TMEM184C: variants seen among roughly 807,000 people sequenced by gnomAD.
TMEM184C encodes the protein transmembrane protein 34.
TMEM184C carries 25 observed loss-of-function variants against 54.5 expected under a neutral mutation model. The observed-to-expected ratio is 0.46, with a 90% CI of 0.33 to 0.64. The LOEUF (loss-of-function observed/expected upper bound fraction) is 0.64. TMEM184C is among the 30% of genes least tolerant of loss of function. The pLI is 0.02. For synonymous variants in TMEM184C, 148 were observed against 181.5 expected (o/e 0.82, Z 1.49); for missense variants, 335 against 520.3 (o/e 0.64, Z 3.46).
chr4:147,634,486 A>G lies in TMEM184C; in HGVS notation c.*52A>G. 1 of 1,570,910 alleles carries G rather than the reference A, an allele frequency of 6.4e-7. No individual in the cohort carries two copies. Among genetic ancestry groups the G allele is most frequent in the Non-Finnish European group, 8.6e-7 (1 of 1,157,446 alleles). On this transcript the variant is annotated 3_prime_UTR_variant, in exon 10 of 10. Transcript: ENST00000296582. ...CTACTACATTATATCATTACCTGGT[A>G]TCCCATGGATTTTGTGCTTGGGACA...
chr4:147,629,784 G>A (rs1034960045), intron 6 of TMEM184C, 92 bp downstream of exon 6: 5 of 780,450 alleles, frequency 6.4e-6, no homozygotes, highest in Admixed American at 7.2e-5. Flanking sequence ...GATAAGGCTT[G>A]CTTCTTTTTA....
intron 1 of TMEM184C, among the ~76,000 whole-genome samples, chr4:147,619,851 A>G (rs543183216): frequency 4.6e-5 from 7 of 152,312 alleles, no homozygotes; most frequent in African/African-American, 1.7e-4. Flanking sequence ...CAGCCAGAGT[A>G]ACCAGTTAAA....
intron 6 of TMEM184C, 106 bp from the exon 7 acceptor site, chr4:147,631,287 A>C: frequency 1.3e-6 from 1 of 743,544 alleles, no homozygotes; most frequent in Non-Finnish European, 2.1e-6. Flanking sequence ...AGCCTAGAAA[A>C]GTTTGCCTGA....
rs1249128363 is a variant in TMEM184C at position 147,636,198 on chromosome 4, CAT to C, written c.*1765_*1766del. The C allele has an allele frequency of 6.6e-6, 1 of 152,054 alleles. No homozygotes were observed. The highest frequency in any genetic ancestry group is 1.5e-5 in the Non-Finnish European group (1 of 67,998). 9.4% of individuals were successfully genotyped at this position (152,054 alleles called of 1,614,324 possible). A position where few individuals can be genotyped will look rare whatever the true frequency, so the allele number is the denominator to read the frequency against. ...AATACTGAGGAAAAAATGTTGGAGACATCACATTTCCTAATTATAAATTATAC... is the reference window on the plus strand; with the variant it reads ...AATACTGAGGAAAAAATGTTGGAGACCACATTTCCTAATTATAAATTATAC... On this transcript the variant is annotated 3_prime_UTR_variant, in exon 10 of 10. Coordinates refer to ENST00000296582, the MANE Select transcript of TMEM184C (RefSeq NM_018241.3).
chr4:147,621,882 C>G (rs1732715873), intron 1 of TMEM184C, among the ~76,000 whole-genome samples: 1 of 152,132 alleles, frequency 6.6e-6, no homozygotes. Context: ...TCATTAGTCA[C>G]AAGCACATCA....
chr4:147,628,030 G>A (rs1444925466), intron 4 of TMEM184C, among the ~76,000 whole-genome samples: 2 of 152,112 alleles, frequency 1.3e-5, no homozygotes, highest in African/African-American at 4.8e-5. Flanking sequence ...GTGGTGGTAT[G>A]CAGATATAGT....
At position 147,633,880 on chromosome 4, in the gene TMEM184C, C is replaced by T; in HGVS notation, c.995C>T (p.Ala332Val). 6.2e-7 allele frequency: 1 copy of T among 1,613,852 alleles called. No homozygotes were observed. Among genetic ancestry groups the T allele is most frequent in the Non-Finnish European group, 8.5e-7 (1 of 1,179,982 alleles). The stretch of plus-strand genomic sequence containing the variant: ...GGCTCATGCTTTGATTCCTTTCTTG[C>T]CATGTGGGATGTCTCAGATATTAGA... ...EEGSCFDSFLAMWDVSDIRDD... is the reference protein window; with the variant it reads ...EEGSCFDSFLVMWDVSDIRDD... The change falls in exon 9 of 10, where the codon GCC (alanine) becomes GTC (valine). Residue 332 changes from alanine (A) to valine (V), a missense_variant. Transcript: ENST00000296582.
chr4:147,627,217 G>A (rs1197998540), intron 4 of TMEM184C, among the ~76,000 whole-genome samples: 1 of 152,194 alleles, frequency 6.6e-6, no homozygotes, highest in Non-Finnish European at 1.5e-5. Context: ...TTGTCTAAAT[G>A]AGAGTCTTTG....
In TMEM184C at chr4:147,634,909, TAG is replaced by T. The variant is rs1022628003; in HGVS notation, c.*479_*480del. 2 of 155,030 alleles carry T rather than the reference TAG, an allele frequency of 1.3e-5. No individual in the cohort carries two copies. The highest frequency in any genetic ancestry group is 4.8e-5 in the African/African-American group (2 of 41,350). 9.6% of individuals were successfully genotyped at this position (155,030 alleles called of 1,614,324 possible). Reference sequence around the variant, plus strand: ...GCCCAGCTAATTTTTTTTTTTTCAGTAGAGACAGGGTCTCACCATGTTAGCCA... The same window carrying T: ...GCCCAGCTAATTTTTTTTTTTTCAGTAGACAGGGTCTCACCATGTTAGCCA... On this transcript the variant is annotated 3_prime_UTR_variant, in exon 10 of 10. Transcript: ENST00000296582.
chr4:147,618,706 G>A (rs947509279), intron 1 of TMEM184C, among the ~76,000 whole-genome samples: 5 of 152,126 alleles, frequency 3.3e-5, no homozygotes, highest in African/African-American at 1.2e-4. Flanking sequence ...TTTTACAGAG[G>A]AACACCTATT....
Position 147,623,876 on chromosome 4 carries a change from T to A in TMEM184C, c.166T>A (p.Leu56Met), listed in dbSNP as rs748129740. ...GGCTTGGTTTATTGCTGGAATCTTT[T>A]TGCTGTTGACTATTCCTATATCACT... ...TKAWFIAGIF[L>M]LLTIPISLWV... Residue 56 changes from leucine (L) to methionine (M), a missense_variant, in exon 2 of 10, where the codon TTG becomes ATG. By Grantham distance (15) the Leu-to-Met change is conservative. Transcript: ENST00000296582. 6.2e-7 allele frequency: 1 copy of A among 1,614,062 alleles called. No homozygotes were observed. Among genetic ancestry groups the A allele is most frequent in the Non-Finnish European group, 8.5e-7 (1 of 1,179,970 alleles).
intron 5 of TMEM184C, 50 bp from the exon 6 acceptor site, chr4:147,629,548 TG>T (rs1384597634): frequency 7.2e-7 from 1 of 1,386,570 alleles, no homozygotes; most frequent in African/African-American, 1.5e-5. Flanking sequence ...TGCTGTATTT[TG>T]AAGTACGATT....
chr4:147,629,528 G>A, intron 5 of TMEM184C, 71 bp from the exon 6 acceptor site: 1 of 1,091,074 alleles, frequency 9.2e-7, no homozygotes, highest in Non-Finnish European at 1.3e-6. Context: ...CTAAATTTAA[G>A]TATTGCTATT....
chr4:147,624,965 A>G lies in TMEM184C; in HGVS notation c.453A>G (p.Lys151=). ...TCCTTGAAGCCAAAGATCAACAGAAACATTTCCCTCCTTTATGTTGCTGTC... is the reference window on the plus strand; with the variant it reads ...TCCTTGAAGCCAAAGATCAACAGAAGCATTTCCCTCCTTTATGTTGCTGTC... The part of the protein sequence containing the change: ...VLILEAKDQQ[K]HFPPLCCCPP... Residue 151 remains lysine (K), a synonymous_variant, in exon 4 of 10, where the codon AAA becomes AAG. Transcript: ENST00000296582. 6.2e-7 allele frequency: 1 copy of G among 1,613,944 alleles called. No individual in the cohort carries two copies.
chr4:147,624,858 T>C lies in TMEM184C; in HGVS notation c.346T>C (p.Cys116Arg). ...IAIYVDTCRE[C>R]YEAYVIYNFM... is the part of the protein sequence containing the mutation. ...AATATATGTGGATACCTGCAGAGAA[T>C]GCTATGAAGCTTATGTAATTTACAA... Residue 116 changes from cysteine to arginine, a missense_variant, in exon 4 of 10, where the codon TGC (cysteine) becomes CGC (arginine). Transcript: ENST00000296582. 1 of 1,613,936 alleles carries C rather than the reference T, an allele frequency of 6.2e-7. No individual in the cohort carries two copies. The highest frequency in any genetic ancestry group is 8.5e-7 in the Non-Finnish European group (1 of 1,179,870).
At chr4:147,628,469 T>C in intron 5 of TMEM184C, 34 bp downstream of exon 5, 2 of 1,566,082 alleles carry the variant, frequency 1.3e-6, no homozygotes, top group Non-Finnish European at 1.8e-6. Context: ...ACTTTTTTTT[T>C]CATCCTTGTG....
intron 6 of TMEM184C, among the ~76,000 whole-genome samples, 154 bp downstream of exon 6, chr4:147,629,846 A>T (rs1399839878): frequency 6.6e-6 from 1 of 151,544 alleles, no homozygotes; most frequent in African/African-American, 2.4e-5. Context: ...ACTTGAAAAA[A>T]ATTTAATATA....
rs1202068366 is a variant in TMEM184C at position 147,636,594 on chromosome 4, C to T, written c.*2160C>T. On this transcript the variant is annotated 3_prime_UTR_variant, in exon 10 of 10. Coordinates refer to ENST00000296582, the MANE Select transcript of TMEM184C (RefSeq NM_018241.3). ...GATTTTTTGGATATCACACCAAAAG[C>T]TCAGTCAACAAAAACAAAAACAAAT... 6.6e-6 allele frequency: 1 copy of T among 152,090 alleles called. No individual in the cohort carries two copies. The highest frequency in any genetic ancestry group is 1.5e-5 in the Non-Finnish European group (1 of 67,986). The allele number at this position is 152,090 out of a possible 1,614,324, so 9.4% of individuals were successfully genotyped here. A position where few individuals can be genotyped will look rare whatever the true frequency, so the allele number is the denominator to read the frequency against.
At chr4:147,630,839 A>G (rs1732903336) in intron 6 of TMEM184C, among the ~76,000 whole-genome samples, 2 of 152,072 alleles carry the variant, frequency 1.3e-5, no homozygotes, top group Non-Finnish European at 2.9e-5. Flanking sequence ...GTTATTCAGC[A>G]CTACACTAGG....
Sources: allele counts gnomAD v4.1 joint callset (sites outside exome capture counted in the v4.1 genomes callset), GRCh38; gene constraint gnomAD v4.1.1; transcripts MANE v1.5; gene names NCBI Gene and HGNC (gene_info 2026-07-23, HGNC 2026-07-21).